RIMS2: variants seen among roughly 807,000 people sequenced by gnomAD.
RIMS2 encodes the protein regulating synaptic membrane exocytosis 2.
In RIMS2, 59 loss-of-function variants were observed where a neutral mutation model predicts 174.4. That is an observed-to-expected ratio of 0.34 (90% CI 0.27 to 0.42). The LOEUF (loss-of-function observed/expected upper bound fraction) is 0.42, where lower values mean the gene tolerates loss of function less well. RIMS2 is among the 10% of genes least tolerant of loss of function. The probability of loss-of-function intolerance (pLI) is 1.00; values close to 1 mark genes in which losing one functional copy is unlikely to be tolerated. For synonymous variants in RIMS2, 606 were observed against 572.5 expected (o/e 1.06, Z -0.84); for missense variants, 1,620 against 1,666.3 (o/e 0.97, Z 0.48).
At chr8:104,030,017 T>TAA (rs1314411415) in intron 19 of RIMS2, among the ~76,000 whole-genome samples, 7 of 152,208 alleles carry the variant, frequency 4.6e-5, no homozygotes, top group Non-Finnish European at 1.0e-4. Flanking sequence ...CAAAATCACC[T>TAA]ATATTTGATG....
intron 4 of RIMS2, chr8:103,909,998 A>C: frequency 6.3e-6 from 3 of 473,274 alleles, no homozygotes; most frequent in Non-Finnish European, 1.1e-5. Flanking sequence ...CACTATATAT[A>C]TATATATATA....
intron 3 of RIMS2, among the ~76,000 whole-genome samples, chr8:103,823,242 C>T (rs1199396816): frequency 1.3e-5 from 2 of 151,778 alleles, no homozygotes; most frequent in African/African-American, 4.8e-5. Context: ...CAGTCTTTCT[C>T]TCCGTATACG....
At chr8:103,596,808 A>C (rs1563936411) in intron 1 of RIMS2, among the ~76,000 whole-genome samples, 1 of 152,012 alleles carries the variant, frequency 6.6e-6, no homozygotes. Context: ...ATAAAAACCT[A>C]TCCAGTCATT....
At chr8:104,040,199 C>A (rs1000479460) in intron 19 of RIMS2, among the ~76,000 whole-genome samples, 1 of 151,548 alleles carries the variant, frequency 6.6e-6, no homozygotes, top group Non-Finnish European at 1.5e-5. Context: ...TATTTTGATG[C>A]AATATGCTTT....
exon 24 of RIMS2, chr8:104,251,680 G>C: frequency 1.9e-6 from 3 of 1,609,170 alleles, no homozygotes; most frequent in Non-Finnish European, 2.6e-6. Context: ...AGATGAACTA[G>C]AGCTATCCAA....
chr8:103,954,661 A>C (rs1321273370), intron 14 of RIMS2, among the ~76,000 whole-genome samples: 1 of 152,206 alleles, frequency 6.6e-6, no homozygotes, highest in East Asian at 1.9e-4. Flanking sequence ...GAAAGATCTA[A>C]AATTTACACC....
At chr8:104,235,595 C>CG (rs398112819) in intron 19 of RIMS2, among the ~76,000 whole-genome samples, 3 of 151,888 alleles carry the variant, frequency 2.0e-5, no homozygotes, top group Non-Finnish European at 1.5e-5. Flanking sequence ...AATGAACATC[C>CG]ACTACATAGA....
chr8:103,551,822 G>A (rs536342184), intron 1 of RIMS2, among the ~76,000 whole-genome samples: 2 of 152,240 alleles, frequency 1.3e-5, no homozygotes, highest in South Asian at 2.1e-4. Flanking sequence ...CAAACAGAGA[G>A]CCAAATCATG....
intron 2 of RIMS2, among the ~76,000 whole-genome samples, chr8:103,738,370 C>T (rs10100425): frequency 0.012 from 1,803 of 152,170 alleles, 33 homozygotes; most frequent in African/African-American, 0.039. Context: ...ACACCTTATA[C>T]GAAAATTAAT....
intron 19 of RIMS2, among the ~76,000 whole-genome samples, chr8:104,113,180 G>A (rs1432586021): frequency 6.6e-6 from 1 of 152,108 alleles, no homozygotes; most frequent in African/African-American, 2.4e-5. Flanking sequence ...GTCAGTGGTT[G>A]TCAAATCAGG....
At chr8:103,686,616 T>G (rs2136921831) in intron 1 of RIMS2, among the ~76,000 whole-genome samples, 1 of 152,340 alleles carries the variant, frequency 6.6e-6, no homozygotes, top group Middle Eastern at 3.4e-3. Context: ...GGTTCCAAAC[T>G]TACATTCCTA....
intron 14 of RIMS2, among the ~76,000 whole-genome samples, 174 bp from the exon 17 acceptor site, chr8:103,960,891 A>T (rs981771497): frequency 6.6e-6 from 1 of 152,178 alleles, no homozygotes. Flanking sequence ...TCCTCACGTC[A>T]TGAAATGCAT....
intron 1 of RIMS2, among the ~76,000 whole-genome samples, chr8:103,509,275 A>G (rs1205433293): frequency 6.6e-6 from 1 of 152,108 alleles, no homozygotes; most frequent in Non-Finnish European, 1.5e-5. Flanking sequence ...TATTCACACC[A>G]TGTAATCTTT....
chr8:104,078,026 C>G (rs1045644763), intron 19 of RIMS2, among the ~76,000 whole-genome samples: 1 of 151,810 alleles, frequency 6.6e-6, no homozygotes, highest in Admixed American at 6.6e-5. Context: ...TGCCTGTAAT[C>G]CCAGCTAGTT....
intron 1 of RIMS2, among the ~76,000 whole-genome samples, chr8:103,539,149 T>G (rs1280227478): frequency 6.6e-6 from 1 of 152,214 alleles, no homozygotes; most frequent in Non-Finnish European, 1.5e-5. Context: ...TAGTGTGTGA[T>G]GATTGTATCT....
intron 1 of RIMS2, among the ~76,000 whole-genome samples, chr8:103,592,134 G>A (rs1473812316): frequency 6.6e-6 from 1 of 151,024 alleles, no homozygotes; most frequent in African/African-American, 2.4e-5. Flanking sequence ...AAACTTAAAG[G>A]AGAATATTTT....
chr8:104,011,989 A>G (rs2095776943), intron 17 of RIMS2, among the ~76,000 whole-genome samples: 1 of 152,038 alleles, frequency 6.6e-6, no homozygotes, highest in Non-Finnish European at 1.5e-5. Context: ...AGAAACAAAA[A>G]GACAGCTGTG....
intron 2 of RIMS2, among the ~76,000 whole-genome samples, chr8:103,742,834 G>T (rs541793626): frequency 6.6e-6 from 1 of 152,220 alleles, no homozygotes; most frequent in Admixed American, 6.5e-5. Flanking sequence ...TCATAATTAG[G>T]AGTCACTTTC....
chr8:104,240,743 A>C (rs1426292061), intron 19 of RIMS2, among the ~76,000 whole-genome samples: 1 of 152,168 alleles, frequency 6.6e-6, no homozygotes, highest in Non-Finnish European at 1.5e-5. Context: ...GAGAGGGGAT[A>C]TGACTCAGAG....
Sources: gnomAD v4.1 joint callset for allele counts (sites outside exome capture counted in the v4.1 genomes callset) on GRCh38, gnomAD v4.1.1 for gene constraint, MANE v1.5 for transcripts, NCBI Gene and HGNC (gene_info 2026-07-23, HGNC 2026-07-21) for gene names.